The following UHRF2 variants were observed in gnomAD, a reference collection of about 807,000 sequenced individuals.
The protein encoded by UHRF2 is E3 ubiquitin-protein ligase UHRF2.
Under a neutral mutation model 96.8 loss-of-function variants are expected in UHRF2, and 23 were observed. That is an observed-to-expected ratio of 0.24 (90% confidence interval 0.17 to 0.34). The LOEUF (loss-of-function observed/expected upper bound fraction) is 0.34, where lower values mean the gene tolerates loss of function less well. UHRF2 is among the 10% of genes least tolerant of loss of function. The pLI, the probability that UHRF2 is intolerant of heterozygous loss-of-function variation, is 1.00. For synonymous variants in UHRF2, 385 were observed against 332.6 expected (o/e 1.16, Z -1.72); for missense variants, 685 against 981.5 (o/e 0.70, Z 4.04).
At position 6,485,330 on chromosome 9, in the gene UHRF2, G is replaced by A. The variant is rs543133246; in HGVS notation, c.1393-1491G>A. On this transcript the variant is annotated intron_variant, in intron 8 of 15. Transcript: ENST00000276893. ...GCCTTATTTTTTTGCATCTTTTTTCGTATACCTGTCTGTCACGTATTTATT... is the reference window on the plus strand; with the variant it reads ...GCCTTATTTTTTTGCATCTTTTTTCATATACCTGTCTGTCACGTATTTATT... 1.5e-4 allele frequency among the ~76,000 whole-genome samples: 22 copies of A among 151,368 alleles called. No homozygotes were observed. The East Asian group carries it at 3.7e-3, about 25-fold the overall frequency.
At chr9:6,467,797 C>T (rs1469946488) in intron 4 of UHRF2, among the ~76,000 whole-genome samples, 1 of 151,900 alleles carries the variant, frequency 6.6e-6, no homozygotes, top group African/African-American at 2.4e-5. Flanking sequence ...TGAATTCAGG[C>T]CTCTGAACCG....
chr9:6,481,846 A>G, intron 7 of UHRF2, 80 bp downstream of exon 7: 3 of 1,542,438 alleles, frequency 1.9e-6, no homozygotes, highest in Non-Finnish European at 2.6e-6. Context: ...GTAATGGTAT[A>G]AAAGATTAAA....
intron 8 of UHRF2, chr9:6,484,502 A>C (rs1824139908): frequency 7.1e-6 from 1 of 140,936 alleles, no homozygotes; most frequent in Admixed American, 7.8e-5. Context: ...TCCTGGGCTC[A>C]AGCTGTCCTT....
At chr9:6,468,743 C>A (rs886727621) in intron 4 of UHRF2, 6 of 453,270 alleles carry the variant, frequency 1.3e-5, no homozygotes, top group Non-Finnish European at 2.2e-5. Flanking sequence ...AGAAGGCATA[C>A]ACTGGATTTT....
intron 13 of UHRF2, 119 bp from the exon 14 acceptor site, chr9:6,500,433 G>A: frequency 1.3e-6 from 1 of 796,044 alleles, no homozygotes. Context: ...GAAATTAGAT[G>A]CTGTTTTATG....
chr9:6,438,307 T>A (rs1820969709), intron 3 of UHRF2, among the ~76,000 whole-genome samples: 1 of 152,174 alleles, frequency 6.6e-6, no homozygotes, highest in Non-Finnish European at 1.5e-5. Flanking sequence ...GAAGACTTAT[T>A]GGAGATGATG....
At chr9:6,485,138 C>G (rs549452398) in intron 8 of UHRF2, among the ~76,000 whole-genome samples, 3 of 152,094 alleles carry the variant, frequency 2.0e-5, no homozygotes, top group Non-Finnish European at 4.4e-5. Context: ...GTTTAATACT[C>G]TCTGTGTTCT....
At chr9:6,445,981 C>CTTTG (rs751155835) in intron 3 of UHRF2, among the ~76,000 whole-genome samples, 11 of 78,898 alleles carry the variant, frequency 1.4e-4, no homozygotes, top group African/African-American at 4.2e-4. Flanking sequence ...CCCCGCCACC[C>CTTTG]TTTTTTTTTT....
chr9:6,451,208 A>G (rs1821840955), intron 3 of UHRF2, among the ~76,000 whole-genome samples: 1 of 152,108 alleles, frequency 6.6e-6, no homozygotes, highest in African/African-American at 2.4e-5. Flanking sequence ...GAAATATATC[A>G]TTTGGGCTGT....
intron 4 of UHRF2, among the ~76,000 whole-genome samples, chr9:6,465,446 G>A (rs1822801954): frequency 6.6e-6 from 1 of 152,174 alleles, no homozygotes; most frequent in African/African-American, 2.4e-5. Context: ...TTCTTTGTGG[G>A]AAAGTTCTTT....
intron 10 of UHRF2, chr9:6,496,240 G>C (rs1279228467): frequency 6.6e-6 from 1 of 152,050 alleles, no homozygotes; most frequent in Admixed American, 6.6e-5. Context: ...ATTGGGTATA[G>C]TTCTGTTTTT....
At chr9:6,439,336 C>T (rs1029326136) in intron 3 of UHRF2, among the ~76,000 whole-genome samples, 3 of 152,138 alleles carry the variant, frequency 2.0e-5, no homozygotes, top group African/African-American at 4.8e-5. Context: ...CCACCACGCC[C>T]GGCTAATTTT....
intron 3 of UHRF2, among the ~76,000 whole-genome samples, chr9:6,436,675 T>A (rs529021288): frequency 6.6e-6 from 1 of 152,360 alleles, no homozygotes; most frequent in East Asian, 1.9e-4. Flanking sequence ...TTAAAGTTGC[T>A]TTTGAAGTAA....
chr9:6,504,493 T>A, intron 14 of UHRF2, 100 bp from the exon 15 acceptor site: 1 of 681,194 alleles, frequency 1.5e-6, no homozygotes, highest in Non-Finnish European at 2.5e-6. Context: ...AACATTTGAA[T>A]TATTCTCTAC....
At chr9:6,503,739 G>A (rs1816428754) in intron 14 of UHRF2, among the ~76,000 whole-genome samples, 1 of 151,882 alleles carries the variant, frequency 6.6e-6, no homozygotes, top group Non-Finnish European at 1.5e-5. Flanking sequence ...TTGGAATACT[G>A]TGCAAAACAG....
chr9:6,450,082 C>T (rs899464633), intron 3 of UHRF2, among the ~76,000 whole-genome samples: 8 of 152,122 alleles, frequency 5.3e-5, no homozygotes, highest in Admixed American at 2.6e-4. Context: ...TCTGCTACAT[C>T]ATTGAACCTG....
At position 6,501,300 on chromosome 9, in the gene UHRF2, T is replaced by C. The variant is rs1028183042; in HGVS notation, c.2163+591T>C. ...AAAGTTGGAGTCTTCAAATATGAAC[T>C]ATCTCTTCATTCTTTCCTCACTTAT... is the stretch of plus-strand genomic sequence containing the variant. On this transcript the variant is annotated intron_variant, in intron 14 of 15. Transcript: ENST00000276893. 5.9e-5 allele frequency among the ~76,000 whole-genome samples: 9 copies of C among 152,224 alleles called. No individual in the cohort carries two copies. In the East Asian group the frequency reaches 1.7e-3, roughly 29 times the overall value.
At chr9:6,469,720 ATG>A (rs1554630067) in intron 4 of UHRF2, among the ~76,000 whole-genome samples, 1 of 150,656 alleles carries the variant, frequency 6.6e-6, no homozygotes, top group Non-Finnish European at 1.5e-5. Flanking sequence ...ACACACATAT[ATG>A]TGCATATATA....
At chr9:6,481,236 G>A (rs1306145703) in intron 6 of UHRF2, among the ~76,000 whole-genome samples, 3 of 152,092 alleles carry the variant, frequency 2.0e-5, no homozygotes, top group African/African-American at 7.2e-5. Flanking sequence ...ATTTTTCTCT[G>A]GGAATTCTAA....
Sources: allele counts gnomAD v4.1 joint callset (sites outside exome capture counted in the v4.1 genomes callset), GRCh38; gene constraint gnomAD v4.1.1; transcripts MANE v1.5; gene names NCBI Gene and HGNC (gene_info 2026-07-23, HGNC 2026-07-21).